SCCPDH: variants seen among roughly 807,000 people sequenced by gnomAD.
The protein encoded by SCCPDH is saccharopine dehydrogenase (putative), also known as saccharopine dehydrogenase-like oxidoreductase.
In SCCPDH, 34 loss-of-function variants were observed where a neutral mutation model predicts 51.5. That is an observed-to-expected ratio of 0.66 (90% CI 0.50 to 0.88). The LOEUF (loss-of-function observed/expected upper bound fraction) is 0.88, where lower values mean the gene tolerates loss of function less well. SCCPDH is among the 40% of genes least tolerant of loss of function. The probability of loss-of-function intolerance (pLI) is 0.00; values close to 1 mark genes in which losing one functional copy is unlikely to be tolerated. For synonymous variants in SCCPDH, 187 were observed against 191.3 expected (o/e 0.98, Z 0.19); for missense variants, 464 against 527.1 (o/e 0.88, Z 1.17).
Position 246,759,174 on chromosome 1 carries a change from T to C in SCCPDH, c.813+23T>C, listed in dbSNP as rs746014206. 1.8e-5 allele frequency: 22 copies of C among 1,212,594 alleles called. No individual in the cohort carries two copies. The Admixed American group carries it at 3.7e-4, about 21-fold the overall frequency. The allele number at this position is 1,212,594 out of a possible 1,614,324, so 75.1% of individuals were successfully genotyped here. On this transcript the variant is annotated intron_variant, in intron 7 of 11. Transcript: ENST00000366510. ...CCAGTAAGTATATATGGTTTATTTA[T>C]CAATAAAGTGTGTGTTACAGTTCCT...
At chr1:246,738,316 T>A (rs1399469653) in intron 3 of SCCPDH, among the ~76,000 whole-genome samples, 1 of 149,902 alleles carries the variant, frequency 6.7e-6, no homozygotes, top group Non-Finnish European at 1.5e-5. Flanking sequence ...ATCGAGACCA[T>A]CTTGGCCAAC....
At chr1:246,745,391 CAT>C (rs1480332585) in intron 5 of SCCPDH, among the ~76,000 whole-genome samples, 1 of 152,128 alleles carries the variant, frequency 6.6e-6, no homozygotes, top group Non-Finnish European at 1.5e-5. Context: ...GAGAAAATGA[CAT>C]GTAAATGAAT....
chr1:246,742,618 G>A (rs1264753904), intron 4 of SCCPDH, among the ~76,000 whole-genome samples: 3 of 152,168 alleles, frequency 2.0e-5, no homozygotes, highest in Non-Finnish European at 4.4e-5. Context: ...TCAGACTAAC[G>A]ACATTTATCT....
At chr1:246,756,988 A>G (rs368360686) in intron 5 of SCCPDH, among the ~76,000 whole-genome samples, 1 of 152,218 alleles carries the variant, frequency 6.6e-6, no homozygotes, top group East Asian at 1.9e-4. Context: ...CAATCAATAT[A>G]ATAAATGAAG....
At chr1:246,753,551 C>T (rs985939519) in intron 5 of SCCPDH, among the ~76,000 whole-genome samples, 1 of 151,880 alleles carries the variant, frequency 6.6e-6, no homozygotes, top group Non-Finnish European at 1.5e-5. Flanking sequence ...TCTTTAATCC[C>T]CTTTATTATC....
intron 10 of SCCPDH, 37 bp from the exon 11 acceptor site, chr1:246,766,021 A>C: frequency 6.1e-6 from 8 of 1,310,398 alleles, no homozygotes; most frequent in Non-Finnish European, 8.7e-6. Flanking sequence ...GTACTTCATG[A>C]TTCCTTTCTT....
At chr1:246,762,697 T>C (rs901978010) in intron 9 of SCCPDH, among the ~76,000 whole-genome samples, 1 of 151,928 alleles carries the variant, frequency 6.6e-6, no homozygotes. Context: ...AGAAATTAGC[T>C]GGACATGGTG....
chr1:246,759,844 A>G, intron 7 of SCCPDH, 113 bp from the exon 8 acceptor site: 1 of 1,162,444 alleles, frequency 8.6e-7, no homozygotes, highest in Non-Finnish European at 1.2e-6. Flanking sequence ...GTAAAGTGGA[A>G]ACTGCTTTTG....
intron 1 of SCCPDH, among the ~76,000 whole-genome samples, 185 bp downstream of exon 1, chr1:246,724,797 ATG>A (rs781750629): frequency 2.0e-5 from 3 of 152,002 alleles, no homozygotes; most frequent in Non-Finnish European, 4.4e-5. Flanking sequence ...CCTTAACTAT[ATG>A]TGTGTGTGCG....
At chr1:246,766,235 A>C in intron 11 of SCCPDH, 96 bp downstream of exon 11, 1 of 840,904 alleles carries the variant, frequency 1.2e-6, no homozygotes, top group Non-Finnish European at 1.9e-6. Context: ...TTTGCATGTA[A>C]GCATTTATAG....
At chr1:246,760,295 C>A in intron 9 of SCCPDH, 68 bp downstream of exon 9, 3 of 1,283,314 alleles carry the variant, frequency 2.3e-6, no homozygotes, top group South Asian at 1.3e-5. Flanking sequence ...TCATCTAACA[C>A]TTGACAGGGC....
In SCCPDH at chr1:246,727,090, C is replaced by G; in HGVS notation, c.303+86C>G. On this transcript the variant is annotated intron_variant, in intron 2 of 11. Transcript: ENST00000366510. Reference sequence around the variant, plus strand: ...TCCAGAGGAACATAAGGACAGAGGACAGAATTGTTGGTTGAAGGCCTTAAC... The same window carrying G: ...TCCAGAGGAACATAAGGACAGAGGAGAGAATTGTTGGTTGAAGGCCTTAAC... The G allele has an allele frequency of 3.6e-6, 4 of 1,126,144 alleles. No homozygotes were observed. In the South Asian group the frequency reaches 5.3e-5, roughly 15 times the overall value. 69.8% of individuals were successfully genotyped at this position (1,126,144 alleles called of 1,614,324 possible). A position where few individuals can be genotyped will look rare whatever the true frequency, so the allele number is the denominator to read the frequency against.
intron 5 of SCCPDH, among the ~76,000 whole-genome samples, chr1:246,745,768 TG>T (rs1359077422): frequency 6.6e-6 from 1 of 152,040 alleles, no homozygotes; most frequent in East Asian, 1.9e-4. Context: ...AGAGTATAAG[TG>T]TAGTAGGACA....
At chr1:246,750,658 T>A (rs1572301693) in intron 5 of SCCPDH, among the ~76,000 whole-genome samples, 1 of 152,222 alleles carries the variant, frequency 6.6e-6, no homozygotes, top group East Asian at 1.9e-4. Flanking sequence ...TGCTTTCTAT[T>A]AATCTAAACC....
intron 10 of SCCPDH, among the ~76,000 whole-genome samples, chr1:246,765,723 T>C (rs1005906414): frequency 5.3e-5 from 8 of 152,198 alleles, no homozygotes; most frequent in East Asian, 3.9e-4. Context: ...GAGTGTGGAC[T>C]CTGGAACCAG....
At chr1:246,737,722 G>C (rs990078066) in intron 3 of SCCPDH, among the ~76,000 whole-genome samples, 1 of 151,904 alleles carries the variant, frequency 6.6e-6, no homozygotes, top group Non-Finnish European at 1.5e-5. Flanking sequence ...CTCCTGAGTA[G>C]CTGGGGGTAC....
At chr1:246,753,970 G>A (rs532645174) in intron 5 of SCCPDH, among the ~76,000 whole-genome samples, 2 of 151,964 alleles carry the variant, frequency 1.3e-5, no homozygotes, top group Admixed American at 6.6e-5. Context: ...GACCTAGGGG[G>A]CACTCAAGGG....
At chr1:246,749,014 C>G (rs1426645818) in intron 5 of SCCPDH, among the ~76,000 whole-genome samples, 1 of 152,180 alleles carries the variant, frequency 6.6e-6, no homozygotes, top group East Asian at 1.9e-4. Context: ...GTGAAAGGCA[C>G]GAGGTGAAGT....
Position 246,767,509 on chromosome 1 carries a change from G to A in SCCPDH, c.*209G>A. ...TTGTGATTTTATTGCTTATAACAGA[G>A]AACTCATATTTGACATATTTTTTTC... On this transcript the variant is annotated 3_prime_UTR_variant, in exon 12 of 12. Transcript: ENST00000366510. The A allele has an allele frequency of 2.9e-6, 1 of 349,958 alleles. No individual in the cohort carries two copies. The highest frequency in any genetic ancestry group is 5.1e-6 in the Non-Finnish European group (1 of 194,996). 21.7% of individuals were successfully genotyped at this position (349,958 alleles called of 1,614,324 possible).
Sources: allele counts gnomAD v4.1 joint callset (sites outside exome capture counted in the v4.1 genomes callset), GRCh38; gene constraint gnomAD v4.1.1; transcripts MANE v1.5; gene names NCBI Gene and HGNC (gene_info 2026-07-23, HGNC 2026-07-21).